Variants in UBR3 observed in about 807,000 individuals in gnomAD.
UBR3 encodes E3 ubiquitin-protein ligase UBR3.
Under a neutral mutation model 243.2 loss-of-function variants are expected in UBR3, and 85 were observed. That is an observed-to-expected ratio of 0.35 (90% CI 0.29 to 0.42). The LOEUF (loss-of-function observed/expected upper bound fraction) is 0.42. UBR3 is among the 10% of genes least tolerant of loss of function. UBR3 has a pLI of 1.00. For synonymous variants in UBR3, 748 were observed against 799.8 expected (o/e 0.94, Z 1.09); for missense variants, 1,686 against 2,300.8 (o/e 0.73, Z 5.47).
intron 24 of UBR3, among the ~76,000 whole-genome samples, chr2:169,962,064 T>TTC (rs2087601072): frequency 6.6e-6 from 1 of 151,946 alleles, no homozygotes; most frequent in Non-Finnish European, 1.5e-5. Flanking sequence ...TTGTTACTTT[T>TTC]TCTCTCTCTT....
In UBR3 at chr2:169,946,399, A is replaced by AGCT; in HGVS notation, c.2910+8_2910+9insCTG. 6.9e-7 allele frequency: 1 copy of AGCT among 1,455,942 alleles called. No individual in the cohort carries two copies. The highest frequency in any genetic ancestry group is 9.1e-7 in the Non-Finnish European group (1 of 1,093,974). 90.2% of individuals were successfully genotyped at this position (1,455,942 alleles called of 1,614,324 possible). ...AGAAGAATCAGATGAAGAGGTAAGT[A>AGCT]GTTTTTATAATTTAAAATTTTTAGA... On this transcript the variant is annotated splice_region_variant and intron_variant, in intron 21 of 38. Coordinates refer to ENST00000272793, the MANE Select transcript of UBR3 (RefSeq NM_172070.4).
chr2:170,035,428 T>C (rs940480227), intron 31 of UBR3, among the ~76,000 whole-genome samples: 1 of 152,034 alleles, frequency 6.6e-6, no homozygotes, highest in Non-Finnish European at 1.5e-5. Flanking sequence ...CTGTGTTTTT[T>C]CCACTGTATT....
chr2:170,015,085 T>C, intron 29 of UBR3, 196 bp from the exon 30 acceptor site: 1 of 484,832 alleles, frequency 2.1e-6, no homozygotes, highest in South Asian at 3.2e-5. Context: ...AACATATAAG[T>C]AAGGATGGAT....
At chr2:169,945,819 A>G (rs2086769337) in intron 20 of UBR3, among the ~76,000 whole-genome samples, 2 of 152,172 alleles carry the variant, frequency 1.3e-5, no homozygotes, top group African/African-American at 4.8e-5. Context: ...AACCACTTGC[A>G]TTCCTTCTAC....
chr2:169,851,527 C>G (rs1318700476), intron 1 of UBR3, among the ~76,000 whole-genome samples: 1 of 152,126 alleles, frequency 6.6e-6, no homozygotes, highest in African/African-American at 2.4e-5. Context: ...TATTATTGTC[C>G]TCGTTTTTTG....
intron 32 of UBR3, among the ~76,000 whole-genome samples, chr2:170,049,465 G>A (rs2091166790): frequency 6.6e-6 from 1 of 152,124 alleles, no homozygotes; most frequent in Non-Finnish European, 1.5e-5. Context: ...TTGTTACATA[G>A]TACTGCAGAT....
chr2:169,923,770 T>C (rs922192658), intron 11 of UBR3, among the ~76,000 whole-genome samples, 159 bp from the exon 12 acceptor site: 1 of 152,212 alleles, frequency 6.6e-6, no homozygotes, highest in African/African-American at 2.4e-5. Context: ...AAAAATTTTA[T>C]CTATAGTGAT....
chr2:169,920,024 G>A (rs36080985), intron 11 of UBR3, among the ~76,000 whole-genome samples: 65,360 of 151,682 alleles, frequency 0.43, 15,360 homozygotes, highest in Non-Finnish European at 0.54. Context: ...TGTTTATAGC[G>A]GCACTATTCA....
chr2:170,007,793 G>T (rs755625934), intron 28 of UBR3, among the ~76,000 whole-genome samples: 1 of 152,126 alleles, frequency 6.6e-6, no homozygotes, highest in African/African-American at 2.4e-5. Flanking sequence ...AAACCCAGGA[G>T]CCGGAGGTTG....
In UBR3 at chr2:169,895,311, G is replaced by A; in HGVS notation, c.1236G>A (p.Lys412=). 6.5e-7 allele frequency: 1 copy of A among 1,534,364 alleles called. No individual in the cohort carries two copies. The highest frequency in any genetic ancestry group is 8.7e-7 in the Non-Finnish European group (1 of 1,142,884). The stretch of plus-strand genomic sequence containing the variant: ...ACATGCTTCCAGATCAAGAGTATAA[G>A]GTATCTATATATTTTCCTGCTTTTC... The part of the protein sequence containing the change: ...LLNMLPDQEY[K]VAFTKTFVQH... The change falls in exon 7 of 39, where the codon AAG becomes AAA. Residue 412 remains lysine (K), a splice_region_variant and synonymous_variant. Transcript: ENST00000272793.
At chr2:170,011,626 C>CTTTTTTTTT (rs35877456) in intron 29 of UBR3, among the ~76,000 whole-genome samples, 1 of 123,294 alleles carries the variant, frequency 8.1e-6, no homozygotes, top group African/African-American at 3.0e-5. Flanking sequence ...TACAGCTTTT[C>CTTTTTTTTT]TTTTTTTTTT....
At chr2:170,066,483 A>G (rs2091569317) in intron 35 of UBR3, among the ~76,000 whole-genome samples, 1 of 148,438 alleles carries the variant, frequency 6.7e-6, no homozygotes, top group Non-Finnish European at 1.5e-5. Context: ...AATAGTTATA[A>G]GATTCTCTGA....
chr2:170,001,701 G>GCCTGGCCAACGTGGCCA (rs1249706618), intron 27 of UBR3, among the ~76,000 whole-genome samples: 8 of 151,838 alleles, frequency 5.3e-5, no homozygotes, highest in Non-Finnish European at 1.0e-4. Context: ...TTCGAGACCA[G>GCCTGGCCAACGTGGCCA]CCTGGCCAAC....
At chr2:170,018,680 G>A (rs949597365) in intron 30 of UBR3, among the ~76,000 whole-genome samples, 1 of 152,172 alleles carries the variant, frequency 6.6e-6, no homozygotes, top group Non-Finnish European at 1.5e-5. Flanking sequence ...GGTGGACAAG[G>A]CATTTGAACA....
At chr2:169,953,155 C>A (rs891273827) in intron 23 of UBR3, among the ~76,000 whole-genome samples, 2 of 152,078 alleles carry the variant, frequency 1.3e-5, no homozygotes, top group African/African-American at 4.8e-5. Flanking sequence ...AAATAATATT[C>A]TAAAAATTTT....
intron 10 of UBR3, among the ~76,000 whole-genome samples, chr2:169,910,177 C>A (rs1267813251): frequency 6.6e-6 from 1 of 151,996 alleles, no homozygotes; most frequent in Non-Finnish European, 1.5e-5. Flanking sequence ...ACATTCTAGA[C>A]CCTTCGGCAT....
intron 22 of UBR3, among the ~76,000 whole-genome samples, chr2:169,948,612 CA>C (rs1293530550): frequency 2.0e-5 from 3 of 151,982 alleles, no homozygotes; most frequent in African/African-American, 7.2e-5. Context: ...TGGTCTTTGA[CA>C]ACGTGTTTTC....
Position 169,872,242 on chromosome 2 carries a change from C to T in UBR3, c.552C>T (p.Cys184=). The change falls in exon 2 of 39, where the codon TGC becomes TGT. Residue 184 remains cysteine (C), a synonymous_variant. Transcript: ENST00000272793. The stretch of plus-strand genomic sequence containing the variant: ...TTTCTTTTTCATATTACAGGTTTTG[C>T]AAAAGGCATCAAATTAAATCAAGTT... The part of the protein sequence containing the change: ...DSNVMRESGF[C]KRHQIKSSSN... 2 of 1,517,242 alleles carry T rather than the reference C, an allele frequency of 1.3e-6. No homozygotes were observed. The highest frequency in any genetic ancestry group is 2.2e-5 in the Admixed American group (1 of 45,240). The allele number at this position is 1,517,242 out of a possible 1,614,324, so 94.0% of individuals were successfully genotyped here.
intron 1 of UBR3, among the ~76,000 whole-genome samples, chr2:169,857,062 A>ATTTTTTTTTTTTTTTTT (rs1553494582): frequency 7.0e-5 from 2 of 28,502 alleles, no homozygotes; most frequent in African/African-American, 9.3e-5. Flanking sequence ...TAATTTTATT[A>ATTTTTTTTTTTTTTTTT]TGTTTTTTTT....
Sources: gnomAD v4.1 joint callset for allele counts (sites outside exome capture counted in the v4.1 genomes callset) on GRCh38, gnomAD v4.1.1 for gene constraint, MANE v1.5 for transcripts, NCBI Gene and HGNC (gene_info 2026-07-23, HGNC 2026-07-21) for gene names.